ATP9B: variants seen among roughly 807,000 people sequenced by gnomAD.
ATP9B encodes the protein ATPase phospholipid transporting 9B.
Under a neutral mutation model 146.1 loss-of-function variants are expected in ATP9B, and 110 were observed. That is an observed-to-expected ratio of 0.75 (90% CI 0.65 to 0.88). ATP9B has a LOEUF of 0.88. ATP9B is among the 40% of genes least tolerant of loss of function. The pLI is 0.00. For missense variants in ATP9B, 1,499 were observed against 1,496.4 expected (o/e 1.00, Z -0.03); for synonymous variants, 604 against 569.7 (o/e 1.06, Z -0.86).
In ATP9B at chr18:79,344,270, C is replaced by T; in HGVS notation, c.2388C>T (p.Thr796=). Residue 796 remains threonine, a synonymous_variant, in exon 21 of 30, where the codon ACC becomes ACT. Coordinates refer to ENST00000426216, the MANE Select transcript of ATP9B (RefSeq NM_198531.5). Reference sequence around the variant, plus strand: ...CTTTTTCTCCCTTAATGGAGGTAACCAGTCGGGGAGAGGCACATTTGGAGC... The same window carrying T: ...CTTTTTCTCCCTTAATGGAGGTAACTAGTCGGGGAGAGGCACATTTGGAGC... The part of the protein sequence containing the change: ...TQDIHIFRQV[T]SRGEAHLELN... 2 of 1,614,128 alleles carry T rather than the reference C, an allele frequency of 1.2e-6. No homozygotes were observed. Among genetic ancestry groups the T allele is most frequent in the Non-Finnish European group, 1.7e-6 (2 of 1,179,980 alleles).
chr18:79,198,587 CT>C (rs34192714), intron 9 of ATP9B, among the ~76,000 whole-genome samples: 50,610 of 151,956 alleles, frequency 0.33, 10,008 homozygotes, highest in African/African-American at 0.56. Flanking sequence ...TACTACACAC[CT>C]AGGTTATATG....
intron 11 of ATP9B, among the ~76,000 whole-genome samples, chr18:79,244,677 C>T (rs1457488669): frequency 6.6e-6 from 1 of 152,046 alleles, no homozygotes; most frequent in Admixed American, 6.6e-5. Flanking sequence ...AGTGTTTCTA[C>T]CCTACCCTGA....
intron 8 of ATP9B, among the ~76,000 whole-genome samples, chr18:79,186,623 C>T (rs560168120): frequency 2.6e-5 from 4 of 152,302 alleles, no homozygotes; most frequent in African/African-American, 9.6e-5. Flanking sequence ...CACTTGACTG[C>T]TTATTAAACA....
intron 5 of ATP9B, among the ~76,000 whole-genome samples, chr18:79,132,625 T>C (rs2094394446): frequency 6.6e-6 from 1 of 152,216 alleles, no homozygotes; most frequent in Non-Finnish European, 1.5e-5. Context: ...TTTAGGCTTA[T>C]TATTGAGCAC....
At position 79,327,763 on chromosome 18, in the gene ATP9B, T is replaced by G. The variant is rs1387937493; in HGVS notation, c.1774-1378T>G. Among the ~76,000 whole-genome samples, 8 of 131,116 alleles carry G rather than the reference T, an allele frequency of 6.1e-5. No individual in the cohort carries two copies. In the East Asian group the frequency reaches 9.9e-4, roughly 16 times the overall value. The allele number at this position is 131,116 out of a possible 152,430, so 86.0% of individuals were successfully genotyped here. A position where few individuals can be genotyped will look rare whatever the true frequency, so the allele number is the denominator to read the frequency against. On this transcript the variant is annotated intron_variant, in intron 15 of 29. Transcript: ENST00000426216. ...CGTGCTCTCCGTGGTTAGCGTGCTC[T>G]CTGTGGTTAACGTGCTCTCCGTGGT...
At chr18:79,103,021 G>C (rs960585012) in intron 2 of ATP9B, among the ~76,000 whole-genome samples, 1 of 152,140 alleles carries the variant, frequency 6.6e-6, no homozygotes, top group African/African-American at 2.4e-5. Flanking sequence ...TGGTTTTGTA[G>C]ATTCCTTGTA....
At chr18:79,091,927 G>A (rs772871301) in intron 1 of ATP9B, among the ~76,000 whole-genome samples, 1 of 152,138 alleles carries the variant, frequency 6.6e-6, no homozygotes, top group Non-Finnish European at 1.5e-5. Flanking sequence ...TTGAAGCTCT[G>A]GTGGTAGGTG....
chr18:79,330,171 AG>A, intron 17 of ATP9B, 67 bp downstream of exon 17: 1 of 1,423,982 alleles, frequency 7.0e-7, no homozygotes, highest in Non-Finnish European at 9.9e-7. Flanking sequence ...AGTGACTCTC[AG>A]CCTGGTTCAC....
chr18:79,088,547 G>A (rs887370525), intron 1 of ATP9B, among the ~76,000 whole-genome samples: 1 of 152,288 alleles, frequency 6.6e-6, no homozygotes, highest in Non-Finnish European at 1.5e-5. Flanking sequence ...GATAGTGGTT[G>A]GAGTTGTGTA....
chr18:79,362,976 T>G (rs2096999221), intron 26 of ATP9B: 1 of 152,222 alleles, frequency 6.6e-6, no homozygotes, highest in African/African-American at 2.4e-5. Flanking sequence ...TATACTTATA[T>G]TCTTTTCAAA....
intron 8 of ATP9B, among the ~76,000 whole-genome samples, chr18:79,190,058 G>A (rs1191410838): frequency 6.6e-6 from 1 of 152,170 alleles, no homozygotes; most frequent in East Asian, 1.9e-4. Context: ...CAGCAGGAGG[G>A]GCTGCGACAC....
Position 79,099,052 on chromosome 18 carries a change from T to C in ATP9B, c.293+2403T>C, listed in dbSNP as rs538995640. Among the ~76,000 whole-genome samples, 254 of 152,308 alleles carry C rather than the reference T, an allele frequency of 1.7e-3. 1 individual carries two copies. Among genetic ancestry groups the C allele is most frequent in the Non-Finnish European group, 3.0e-3 (202 of 68,022 alleles). On this transcript the variant is annotated intron_variant, in intron 2 of 29. Transcript: ENST00000426216. ...GATTTCTGGTCTTCCCTTTATTTTC[T>C]CTCTTATTTTGTTTGACTTTAACTC...
chr18:79,275,902 G>A (rs117993464), intron 12 of ATP9B, among the ~76,000 whole-genome samples: 1 of 152,358 alleles, frequency 6.6e-6, no homozygotes, highest in East Asian at 1.9e-4. Context: ...TCTATGGACA[G>A]ATAAGTCAAA....
At chr18:79,074,908 T>C (rs578143231) in intron 1 of ATP9B, among the ~76,000 whole-genome samples, 160 of 152,320 alleles carry the variant, frequency 1.1e-3, no homozygotes, top group South Asian at 5.0e-3. Context: ...TAAAGTTAAG[T>C]GGTGCTTTTA....
At position 79,199,699 on chromosome 18, in the gene ATP9B, G is replaced by C. The variant is rs111523664; in HGVS notation, c.954+6436G>C. Reference sequence around the variant, plus strand: ...AATCACTTGAACCCAGGAGGGTAGAGGTTGCAGTGAGCTGAGATTGTGCCA... The same window carrying C: ...AATCACTTGAACCCAGGAGGGTAGACGTTGCAGTGAGCTGAGATTGTGCCA... On this transcript the variant is annotated intron_variant, in intron 9 of 29. Coordinates refer to ENST00000426216, the MANE Select transcript of ATP9B (RefSeq NM_198531.5). Among the ~76,000 whole-genome samples the C allele has an allele frequency of 2.0e-3, 302 of 151,974 alleles. 1 individual carries two copies. Among genetic ancestry groups the C allele is most frequent in the Non-Finnish European group, 3.4e-3 (231 of 67,984 alleles).
intron 13 of ATP9B, among the ~76,000 whole-genome samples, chr18:79,296,732 T>A (rs920922758): frequency 1.3e-5 from 2 of 152,240 alleles, no homozygotes; most frequent in Non-Finnish European, 2.9e-5. Flanking sequence ...TATTCTTTTT[T>A]AAAAATTTAA....
intron 26 of ATP9B, among the ~76,000 whole-genome samples, chr18:79,369,457 C>T (rs930066418): frequency 3.4e-5 from 5 of 146,130 alleles, no homozygotes; most frequent in South Asian, 2.1e-4. Context: ...GGCGTGAACC[C>T]GGGAGGCGAA....
chr18:79,160,905 G>A (rs2094869570), intron 7 of ATP9B, among the ~76,000 whole-genome samples: 1 of 152,120 alleles, frequency 6.6e-6, no homozygotes, highest in Non-Finnish European at 1.5e-5. Flanking sequence ...CTGAGTAGCT[G>A]GGACTCCAGG....
intron 13 of ATP9B, among the ~76,000 whole-genome samples, chr18:79,292,387 A>G (rs2096514427): frequency 6.6e-6 from 1 of 152,254 alleles, no homozygotes; most frequent in Non-Finnish European, 1.5e-5. Flanking sequence ...CAAGAATGAA[A>G]TTGTATTTCT....
Sources: allele counts gnomAD v4.1 joint callset (sites outside exome capture counted in the v4.1 genomes callset), GRCh38; gene constraint gnomAD v4.1.1; transcripts MANE v1.5; gene names NCBI Gene and HGNC (gene_info 2026-07-23, HGNC 2026-07-21).